The following UBR2 variants were observed in gnomAD, a reference collection of about 807,000 sequenced individuals.
The protein encoded by UBR2 is E3 ubiquitin-protein ligase UBR2.
A neutral mutation model predicts 247.9 loss-of-function variants in UBR2; 92 were observed. The ratio of observed to expected loss-of-function variants is 0.37; its 90% CI spans 0.31 to 0.44. The LOEUF is 0.44. Ranked by LOEUF, UBR2 falls within the 20% of genes least tolerant of loss-of-function variation. The pLI is 1.00. For synonymous variants in UBR2, 672 were observed against 693.5 expected (o/e 0.97, Z 0.49); for missense variants, 1,613 against 2,112.6 (o/e 0.76, Z 4.64).
Position 42,670,182 on chromosome 6 carries a change from G to A in UBR2, c.3972G>A (p.Glu1324=). The change falls in exon 35 of 47, where the codon GAG becomes GAA. Residue 1324 remains glutamate, a synonymous_variant. Coordinates refer to ENST00000372901, the MANE Select transcript of UBR2 (RefSeq NM_001363705.2). The stretch of plus-strand genomic sequence containing the variant: ...GACTAAAGGTTCATCCCAATGAAGA[G>A]GATCCTCGTGTTCCCATAATGTGTT... ...KVGLKVHPNE[E]DPRVPIMCWG... is the part of the protein sequence containing the mutation. 6.2e-7 allele frequency: 1 copy of A among 1,614,156 alleles called. No homozygotes were observed. Among genetic ancestry groups the A allele is most frequent in the Non-Finnish European group, 8.5e-7 (1 of 1,180,012 alleles).
chr6:42,604,422 A>G (rs1015023177), intron 5 of UBR2, among the ~76,000 whole-genome samples: 3 of 152,178 alleles, frequency 2.0e-5, no homozygotes, highest in South Asian at 2.1e-4. Flanking sequence ...TGCTTTCTCA[A>G]TTGTGTTTCA....
At chr6:42,649,825 G>GT (rs1401877105) in intron 22 of UBR2, among the ~76,000 whole-genome samples, 3 of 151,934 alleles carry the variant, frequency 2.0e-5, no homozygotes, top group Non-Finnish European at 4.4e-5. Flanking sequence ...TTAACTTTCT[G>GT]TTTTTAAAAC....
chr6:42,573,789 A>G lies in UBR2; in HGVS notation c.134A>G (p.Tyr45Cys), dbSNP rs201171840. Residue 45 changes from tyrosine (Y) to cysteine (C), a missense_variant, in exon 2 of 47, where the codon TAT (tyrosine) becomes TGT (cysteine). This residue lies in a region of UBR2 where 1,524 missense variants were observed against 1,967.3 expected (regional missense o/e 0.77). Coordinates refer to ENST00000372901, the MANE Select transcript of UBR2 (RefSeq NM_001363705.2). The stretch of plus-strand genomic sequence containing the variant: ...GAAGTGTACCAGCATTTAGCCCACT[A>G]TGTACCCAAAATCTACTGCAGGGGT... ...TREVYQHLAH[Y>C]VPKIYCRGPN... 18 of 1,612,340 alleles carry G rather than the reference A, an allele frequency of 1.1e-5. No homozygotes were observed. The highest frequency in any genetic ancestry group is 2.2e-5 in the East Asian group (1 of 44,748).
chr6:42,621,572 C>T (rs951538179), intron 11 of UBR2, among the ~76,000 whole-genome samples: 1 of 152,138 alleles, frequency 6.6e-6, no homozygotes, highest in African/African-American at 2.4e-5. Flanking sequence ...AAGCAATTCT[C>T]CTGCCTCAGC....
intron 1 of UBR2, among the ~76,000 whole-genome samples, chr6:42,573,159 T>TAG (rs145724262): frequency 6.6e-6 from 1 of 151,988 alleles, no homozygotes; most frequent in East Asian, 1.9e-4. Context: ...AAAGGCCTTA[T>TAG]AGAGAGAGAG....
rs1358895211 is a variant in UBR2 at position 42,632,068 on chromosome 6, AAATAT to A, written c.1282-482_1282-478del. On this transcript the variant is annotated intron_variant, in intron 11 of 46. Transcript: ENST00000372901. Reference sequence around the variant, plus strand: ...GTATTTGCTTATTTAAAAAAAAAAAAAATATATATATATATATATATATGTACACA... The same window carrying A: ...GTATTTGCTTATTTAAAAAAAAAAAAATATATATATATATATATGTACACA... 6.5e-4 allele frequency among the ~76,000 whole-genome samples: 71 copies of A among 109,078 alleles called. 1 individual carries two copies. The East Asian group carries it at 0.012, about 19-fold the overall frequency. 71.6% of individuals were successfully genotyped at this position (109,078 alleles called of 152,430 possible). A position where few individuals can be genotyped will look rare whatever the true frequency, so the allele number is the denominator to read the frequency against.
At chr6:42,581,208 G>A (rs1454140074) in intron 2 of UBR2, among the ~76,000 whole-genome samples, 5 of 142,086 alleles carry the variant, frequency 3.5e-5, no homozygotes, top group South Asian at 2.2e-4. Context: ...TTTTTTCTCC[G>A]AGACGGAGTC....
chr6:42,634,999 C>G lies in UBR2; in HGVS notation c.1546-419C>G, dbSNP rs538269246. 7.2e-5 allele frequency among the ~76,000 whole-genome samples: 11 copies of G among 152,244 alleles called. No individual in the cohort carries two copies. In the East Asian group the frequency reaches 1.9e-3, roughly 27 times the overall value. On this transcript the variant is annotated intron_variant, in intron 13 of 46. Transcript: ENST00000372901. Reference sequence around the variant, plus strand: ...CTTCTTTCAGGCTCTGTGAAAACTTCTAATTGCATATTAGGACATAATATT... The same window carrying G: ...CTTCTTTCAGGCTCTGTGAAAACTTGTAATTGCATATTAGGACATAATATT...
rs1156245145 is a variant in UBR2 at position 42,641,633 on chromosome 6, C to G, written c.1972C>G (p.Leu658Val). Residue 658 changes from leucine (L) to valine (V), a missense_variant, in exon 17 of 47, where the codon CTG becomes GTG. Physicochemically the swap from Leu to Val is conservative, Grantham distance 32 (BLOSUM62 1). This residue lies in a region of UBR2 where 1,524 missense variants were observed against 1,967.3 expected (regional missense o/e 0.77). Coordinates refer to ENST00000372901, the MANE Select transcript of UBR2 (RefSeq NM_001363705.2). ...AGAACACCCTCTTAGATGTCTTGTT[C>G]TGTGTGCCCAAGTACATGCCGGAAT... ...LIEHPLRCLVLCAQVHAGMWR... is the reference protein window; with the variant it reads ...LIEHPLRCLVVCAQVHAGMWR... The G allele has an allele frequency of 2.5e-6, 4 of 1,607,554 alleles. No individual in the cohort carries two copies. The highest frequency in any genetic ancestry group is 1.7e-5 in the Admixed American group (1 of 58,810).
chr6:42,670,940 C>T (rs1798386923), intron 36 of UBR2, among the ~76,000 whole-genome samples: 1 of 152,236 alleles, frequency 6.6e-6, no homozygotes, highest in African/African-American at 2.4e-5. Context: ...AATCCCAGCA[C>T]TTTGGGAGGC....
intron 30 of UBR2, among the ~76,000 whole-genome samples, chr6:42,660,775 A>G (rs1424135127): frequency 6.6e-6 from 1 of 151,792 alleles, no homozygotes; most frequent in Non-Finnish European, 1.5e-5. Context: ...CAGCCTGGCC[A>G]ACATGGCGAA....
In UBR2 at chr6:42,615,983, C is replaced by A. The variant is rs748307516; in HGVS notation, c.1094-19C>A. The A allele has an allele frequency of 2.6e-6, 4 of 1,542,590 alleles. No homozygotes were observed. The highest frequency in any genetic ancestry group is 2.6e-6 in the Non-Finnish European group (3 of 1,141,628). On this transcript the variant is annotated intron_variant, in intron 9 of 46. Transcript: ENST00000372901. ...TGTTGGGCGTGTCCTTATCTTATAC[C>A]GTGATCTTTTTCTACAAGGTGCTAG...
intron 46 of UBR2, among the ~76,000 whole-genome samples, chr6:42,690,700 G>A (rs1185812479): frequency 3.3e-5 from 5 of 151,490 alleles, no homozygotes; most frequent in African/African-American, 7.3e-5. Flanking sequence ...CTTTTTACAC[G>A]TTACCAACAA....
intron 44 of UBR2, among the ~76,000 whole-genome samples, chr6:42,687,168 G>A (rs567742722): frequency 3.9e-5 from 6 of 152,248 alleles, no homozygotes; most frequent in East Asian, 1.9e-4. Flanking sequence ...AGCCGAGATC[G>A]CGCCACTGCA....
intron 8 of UBR2, among the ~76,000 whole-genome samples, chr6:42,613,604 T>G (rs1225126757): frequency 1.3e-5 from 2 of 152,084 alleles, no homozygotes; most frequent in Non-Finnish European, 2.9e-5. Context: ...ACAGTTATTT[T>G]TCTTAGTCCT....
rs145765824 is a variant in UBR2, at chr6:42,637,025, C to T, written c.1689C>T (p.Ile563=). ...CTCTTTTTTAGGAAAAAGTGTTAATCGAAGCTTACAAGAAATGTCTCGCTG... is the reference window on the plus strand; with the variant it reads ...CTCTTTTTTAGGAAAAAGTGTTAATTGAAGCTTACAAGAAATGTCTCGCTG... ...DWCASDEKVL[I]EAYKKCLAVL... is the part of the protein sequence containing the mutation. Residue 563 remains isoleucine, a synonymous_variant, in exon 15 of 47, where the codon ATC becomes ATT. Coordinates refer to ENST00000372901, the MANE Select transcript of UBR2 (RefSeq NM_001363705.2). The T allele has an allele frequency of 3.0e-5, 48 of 1,604,040 alleles. No homozygotes were observed. The highest frequency in any genetic ancestry group is 1.3e-4 in the East Asian group (6 of 44,730).
chr6:42,663,924 CAAGATG>C (rs1392492069), intron 32 of UBR2, among the ~76,000 whole-genome samples: 1 of 152,090 alleles, frequency 6.6e-6, no homozygotes, highest in African/African-American at 2.4e-5. Flanking sequence ...TTTGAGAGGC[CAAGATG>C]AAAGGATCAT....
chr6:42,590,491 A>C (rs1176108346), intron 2 of UBR2, among the ~76,000 whole-genome samples: 2 of 152,274 alleles, frequency 1.3e-5, no homozygotes, highest in African/African-American at 4.8e-5. Flanking sequence ...ATAGAAAGTC[A>C]TTGAAAGTGG....
intron 37 of UBR2, 64 bp downstream of exon 37, chr6:42,673,951 G>T (rs1047419648): frequency 1.4e-6 from 2 of 1,418,752 alleles, no homozygotes; most frequent in Non-Finnish European, 2.0e-6. Flanking sequence ...GTTTTTAATG[G>T]TACAGCTTCT....
Sources: gnomAD v4.1 joint callset for allele counts (sites outside exome capture counted in the v4.1 genomes callset) on GRCh38, gnomAD v4.1.1 for gene constraint, gnomAD v4.1.1 regional missense constraint, MANE v1.5 for transcripts, NCBI Gene and HGNC (gene_info 2026-07-23, HGNC 2026-07-21) for gene names.